PCDH15: variants seen among roughly 807,000 people sequenced by gnomAD.
PCDH15 encodes the protein protocadherin related 15, also known as protocadherin-15.
PCDH15 carries 129 observed loss-of-function variants against 178.5 expected under a neutral mutation model. That is an observed-to-expected ratio of 0.72 (90% CI 0.63 to 0.84). The LOEUF (loss-of-function observed/expected upper bound fraction) is 0.84, where lower values mean the gene tolerates loss of function less well. PCDH15 is among the 40% of genes least tolerant of loss of function. The pLI is 0.00. For missense variants in PCDH15, 2,230 were observed against 2,099.9 expected (o/e 1.06, Z -1.21); for synonymous variants, 800 against 732.0 (o/e 1.09, Z -1.50).
intron 2 of PCDH15, among the ~76,000 whole-genome samples, chr10:55,526,788 G>T (rs1355977164): frequency 6.6e-6 from 1 of 152,002 alleles, no homozygotes; most frequent in Non-Finnish European, 1.5e-5. Context: ...GGGAACACTT[G>T]TAGAATTCAA....
intron 2 of PCDH15, among the ~76,000 whole-genome samples, chr10:54,902,746 TA>T (rs1389776242): frequency 1.3e-5 from 2 of 152,218 alleles, no homozygotes; most frequent in Non-Finnish European, 2.9e-5. Context: ...CAAATGGTTG[TA>T]ATCTGCTCTA....
At chr10:54,166,733 G>A (rs1396177207) in intron 13 of PCDH15, among the ~76,000 whole-genome samples, 2 of 151,424 alleles carry the variant, frequency 1.3e-5, no homozygotes, top group African/African-American at 4.8e-5. Flanking sequence ...GCACTTATAC[G>A]CCCAGATGGC....
chr10:54,695,133 T>C (rs1403351085), intron 1 of PCDH15, among the ~76,000 whole-genome samples: 1 of 152,040 alleles, frequency 6.6e-6, no homozygotes, highest in African/African-American at 2.4e-5. Flanking sequence ...AGTTAATGGG[T>C]GCAGCACACC....
At chr10:54,391,505 G>C (rs1950541847) in intron 3 of PCDH15, among the ~76,000 whole-genome samples, 1 of 151,840 alleles carries the variant, frequency 6.6e-6, no homozygotes, top group Non-Finnish European at 1.5e-5. Flanking sequence ...GCTTAAGAGA[G>C]GTGTGAGTAG....
Position 54,213,994 on chromosome 10 carries a change from A to T in PCDH15, c.1040T>A (p.Leu347His). 6.2e-7 allele frequency: 1 copy of T among 1,612,386 alleles called. No individual in the cohort carries two copies. The highest frequency in any genetic ancestry group is 8.5e-7 in the Non-Finnish European group (1 of 1,178,582). ...FFHMHPRTAE[L>H]SLLEPVNRDF... ...TCTGTTTACTGGCTCCAGGAGACTA[A>T]GTTCTGCTGTCCTAGGATGCATATG... The change falls in exon 10 of 38, where the codon CTT (leucine) becomes CAT (histidine). Residue 347 changes from leucine to histidine, a missense_variant. Transcript: ENST00000644397.
intron 3 of PCDH15, among the ~76,000 whole-genome samples, chr10:54,427,120 C>T (rs1233389102): frequency 1.3e-5 from 2 of 151,292 alleles, no homozygotes; most frequent in East Asian, 3.9e-4. Context: ...ATAGAATCTC[C>T]TCAAACCTGA....
intron 20 of PCDH15, among the ~76,000 whole-genome samples, chr10:53,997,456 C>A (rs1911414): frequency 0.41 from 62,829 of 151,882 alleles, 17,148 homozygotes; most frequent in African/African-American, 0.75. Flanking sequence ...TCTGAAGGTT[C>A]GAAAGGAAGG....
intron 2 of PCDH15, among the ~76,000 whole-genome samples, chr10:54,652,315 A>G (rs547993621): frequency 3.9e-5 from 6 of 152,272 alleles, no homozygotes; most frequent in Non-Finnish European, 7.4e-5. Context: ...AGAGGCTTGC[A>G]TCTGAGCACT....
chr10:54,260,642 G>A (rs143085370), intron 8 of PCDH15, among the ~76,000 whole-genome samples: 1,573 of 151,986 alleles, frequency 0.01, 24 homozygotes, highest in African/African-American at 0.036. Context: ...GTGCAGTGGC[G>A]CGATCTCGGC....
intron 2 of PCDH15, among the ~76,000 whole-genome samples, chr10:54,599,520 A>G (rs1265259832): frequency 1.3e-5 from 2 of 152,150 alleles, no homozygotes; most frequent in African/African-American, 4.8e-5. Flanking sequence ...AATGTATTAA[A>G]TACTTAAATG....
intron 2 of PCDH15, among the ~76,000 whole-genome samples, chr10:54,552,606 G>A (rs770174786): frequency 6.6e-6 from 1 of 152,026 alleles, no homozygotes; most frequent in Non-Finnish European, 1.5e-5. Flanking sequence ...TTCCTTATTG[G>A]TAAAAAATGT....
intron 2 of PCDH15, among the ~76,000 whole-genome samples, chr10:55,148,838 A>G (rs1021948962): frequency 2.0e-5 from 3 of 148,334 alleles, no homozygotes; most frequent in Non-Finnish European, 4.5e-5. Flanking sequence ...ACAAAATTAT[A>G]TATATTATAT....
At chr10:55,007,158 C>G (rs1839949939) in intron 2 of PCDH15, among the ~76,000 whole-genome samples, 1 of 152,162 alleles carries the variant, frequency 6.6e-6, no homozygotes. Flanking sequence ...GCTTCCTGTG[C>G]AGCCTACAGA....
intron 15 of PCDH15, among the ~76,000 whole-genome samples, chr10:54,098,145 G>A (rs1457682712): frequency 6.6e-6 from 1 of 151,774 alleles, no homozygotes; most frequent in African/African-American, 2.4e-5. Context: ...TATATACTCT[G>A]TGTGTCTCTA....
chr10:54,856,125 T>G (rs74138808), intron 3 of PCDH15, among the ~76,000 whole-genome samples: 1,992 of 152,312 alleles, frequency 0.013, 40 homozygotes, highest in African/African-American at 0.046. Flanking sequence ...ATTTTTATAA[T>G]AGTTTGTCAT....
upstream of PCDH15, among the ~76,000 whole-genome samples, chr10:55,321,647 C>G (rs1194204177): frequency 6.6e-6 from 1 of 152,176 alleles, no homozygotes; most frequent in Admixed American, 6.5e-5. Context: ...ATCAGGCTAA[C>G]AGCAGACCTT....
intron 2 of PCDH15, among the ~76,000 whole-genome samples, chr10:55,138,975 C>T (rs4007193): frequency 0.91 from 138,981 of 152,102 alleles, 63,967 homozygotes; most frequent in Non-Finnish European, 0.97. Flanking sequence ...TAATATTCCA[C>T]TGTATAGGTA....
chr10:54,584,950 C>A (rs1207612925), intron 2 of PCDH15, among the ~76,000 whole-genome samples: 2 of 152,034 alleles, frequency 1.3e-5, no homozygotes, highest in Admixed American at 6.6e-5. Flanking sequence ...TAAGAATAAG[C>A]ATGTAACAAG....
intron 1 of PCDH15, among the ~76,000 whole-genome samples, chr10:54,713,250 G>A (rs1251012486): frequency 1.3e-5 from 2 of 151,744 alleles, no homozygotes; most frequent in Non-Finnish European, 2.9e-5. Flanking sequence ...CACACACAGG[G>A]CCTGATTTCA....
Sources: allele counts gnomAD v4.1 joint callset (sites outside exome capture counted in the v4.1 genomes callset), GRCh38; gene constraint gnomAD v4.1.1; transcripts MANE v1.5; gene names NCBI Gene and HGNC (gene_info 2026-07-23, HGNC 2026-07-21).